Variants in HOXC12 observed in about 807,000 individuals in gnomAD.
HOXC12 encodes the protein homeobox protein Hox-C12.
HOXC12 carries 24 observed loss-of-function variants against 20.9 expected under a neutral mutation model. The observed-to-expected ratio is 1.15, with a 90% confidence interval of 0.83 to 1.61. The LOEUF (loss-of-function observed/expected upper bound fraction) is 1.61, where lower values mean the gene tolerates loss of function less well. HOXC12 is among the 40% of genes most tolerant of loss of function. The pLI is 0.00. For missense variants in HOXC12, 436 were observed against 406.9 expected, an observed-to-expected ratio of 1.07 and a Z score of -0.62; for synonymous variants, 202 against 197.7, an observed-to-expected ratio of 1.02 and a Z score of -0.18.
chr12:53,958,570 C>T lies in HOXC12; in HGVS notation c.*2004C>T, dbSNP rs1314382607. ...CACCCACTGTACCCCCTTTATGCAG[C>T]CCTTCCTGTGACCTCTGGGCTCTAG... On this transcript the variant is annotated 3_prime_UTR_variant, in exon 2 of 2. Coordinates refer to ENST00000243103, the MANE Select transcript of HOXC12 (RefSeq NM_173860.3). 2 of 152,302 alleles carry T rather than the reference C, an allele frequency of 1.3e-5. No individual in the cohort carries two copies. The highest frequency in any genetic ancestry group is 3.8e-4 in the East Asian group (2 of 5,210). 9.4% of individuals were successfully genotyped at this position (152,302 alleles called of 1,614,324 possible).
Position 53,956,902 on chromosome 12 carries a change from G to A in HOXC12, c.*336G>A, listed in dbSNP as rs542548946. 2 of 213,160 alleles carry A rather than the reference G, an allele frequency of 9.4e-6. No homozygotes were observed. Among genetic ancestry groups the A allele is most frequent in the East Asian group, 1.0e-4 (1 of 9,936 alleles). 13.2% of individuals were successfully genotyped at this position (213,160 alleles called of 1,614,324 possible). A position where few individuals can be genotyped will look rare whatever the true frequency, so the allele number is the denominator to read the frequency against. ...TCCGCTGAGGATCTGGAGAAGCAGC[G>A]GCCCAGATGTCCCCTTCCTCTACTT... On this transcript the variant is annotated 3_prime_UTR_variant, in exon 2 of 2. Coordinates refer to ENST00000243103, the MANE Select transcript of HOXC12 (RefSeq NM_173860.3).
rs1300111632 is a variant in HOXC12, at chr12:53,955,216, G to T, written c.287G>T (p.Arg96Leu). 1.9e-6 allele frequency: 3 copies of T among 1,602,106 alleles called. No homozygotes were observed. Among genetic ancestry groups the T allele is most frequent in the South Asian group, 2.2e-5 (2 of 90,084 alleles). Residue 96 changes from arginine to leucine, a missense_variant, in exon 1 of 2, where the codon CGC (arginine) becomes CTC (leucine). By Grantham distance (102) the Arg-to-Leu change is moderately radical. Transcript: ENST00000243103. ...GTGGAGGACGGCAAGGGTTACTACCGCGAGCCGTGCGCCGAGGGTGGCGGC... is the reference window on the plus strand; with the variant it reads ...GTGGAGGACGGCAAGGGTTACTACCTCGAGCCGTGCGCCGAGGGTGGCGGC... ...ARVEDGKGYY[R>L]EPCAEGGGGG...
Position 53,955,116 on chromosome 12 carries a change from G to GGCTACCCGCAGCCCTACCTCGGCA in HOXC12, c.190_213dup (p.Tyr64_Ser71dup). On this transcript the variant is annotated inframe_insertion, in exon 1 of 2. Coordinates refer to ENST00000243103, the MANE Select transcript of HOXC12 (RefSeq NM_173860.3). ...CTGGCCGTCGGCGGAGCCGTGCAATGGCTACCCGCAGCCCTACCTCGGCAG... is the reference window on the plus strand; with the variant it reads ...CTGGCCGTCGGCGGAGCCGTGCAATGGCTACCCGCAGCCCTACCTCGGCAGCTACCCGCAGCCCTACCTCGGCAG... The GGCTACCCGCAGCCCTACCTCGGCA allele has an allele frequency of 6.2e-7, 1 of 1,611,422 alleles. No homozygotes were observed. Among genetic ancestry groups the GGCTACCCGCAGCCCTACCTCGGCA allele is most frequent in the Non-Finnish European group, 8.5e-7 (1 of 1,179,090 alleles).
chr12:53,958,449 C>T lies in HOXC12; in HGVS notation c.*1883C>T, dbSNP rs535989010. ...TCCCCATCCACACATACTTGCTTCA[C>T]CCATGTACAAGTTCCCCCAAATTAC... On this transcript the variant is annotated 3_prime_UTR_variant, in exon 2 of 2. Coordinates refer to ENST00000243103, the MANE Select transcript of HOXC12 (RefSeq NM_173860.3). 5.9e-5 allele frequency: 9 copies of T among 152,444 alleles called. No homozygotes were observed. The highest frequency in any genetic ancestry group is 1.2e-4 in the Non-Finnish European group (8 of 68,086). 9.4% of individuals were successfully genotyped at this position (152,444 alleles called of 1,614,324 possible).
chr12:53,955,197 G>C lies in HOXC12; in HGVS notation c.268G>C (p.Asp90His), dbSNP rs775785231. The C allele has an allele frequency of 6.2e-7, 1 of 1,610,228 alleles. No individual in the cohort carries two copies. The highest frequency in any genetic ancestry group is 1.7e-5 in the Admixed American group (1 of 59,850). Residue 90 changes from aspartate to histidine, a missense_variant, in exon 1 of 2, where the codon GAC becomes CAC. Transcript: ENST00000243103. ...CACGTGCGAGCTGGCGCGCGTGGAG[G>C]ACGGCAAGGGTTACTACCGCGAGCC... ...GRTCELARVE[D>H]GKGYYREPCA...
Position 53,956,717 on chromosome 12 carries a change from C to T in HOXC12, c.*151C>T, listed in dbSNP as rs1243549239. 18 of 614,018 alleles carry T rather than the reference C, an allele frequency of 2.9e-5. No homozygotes were observed. The highest frequency in any genetic ancestry group is 1.7e-4 in the African/African-American group (9 of 53,558). The allele number at this position is 614,018 out of a possible 1,614,324, so 38.0% of individuals were successfully genotyped here. ...CCTCTTGTCTGTTTTGTTCGTGGTT[C>T]CCTCCCATACACACCCAAAACACCC... On this transcript the variant is annotated 3_prime_UTR_variant, in exon 2 of 2. Transcript: ENST00000243103.
At position 53,956,938 on chromosome 12, in the gene HOXC12, G is replaced by C. The variant is rs1938877876; in HGVS notation, c.*372G>C. 1 of 171,868 alleles carries C rather than the reference G, an allele frequency of 5.8e-6. No individual in the cohort carries two copies. Among genetic ancestry groups the C allele is most frequent in the African/African-American group, 2.4e-5 (1 of 42,120 alleles). 10.6% of individuals were successfully genotyped at this position (171,868 alleles called of 1,614,324 possible). ...CCCCTTCCTCTACTTCCCTTCCATG[G>C]TCTTAATTCTCTTTGCCGTCAGGAG... On this transcript the variant is annotated 3_prime_UTR_variant, in exon 2 of 2. Coordinates refer to ENST00000243103, the MANE Select transcript of HOXC12 (RefSeq NM_173860.3).
chr12:53,958,926 A>T lies in HOXC12; in HGVS notation c.*2360A>T, dbSNP rs1470008750. ...TGTACAGAGTTGCTTCATCATATTA[A>T]TATTGATAATAATAATAATTAAAAC... is the stretch of plus-strand genomic sequence containing the variant. On this transcript the variant is annotated 3_prime_UTR_variant, in exon 2 of 2. Transcript: ENST00000243103. 2.6e-5 allele frequency: 4 copies of T among 151,980 alleles called. No homozygotes were observed. Among genetic ancestry groups the T allele is most frequent in the African/African-American group, 9.7e-5 (4 of 41,356 alleles). 9.4% of individuals were successfully genotyped at this position (151,980 alleles called of 1,614,324 possible).
Position 53,955,326 on chromosome 12 carries a change from C to T in HOXC12, c.397C>T (p.Pro133Ser). Residue 133 changes from proline to serine, a missense_variant, in exon 1 of 2, where the codon CCT becomes TCT. By Grantham distance (74) the Pro-to-Ser change is moderately conservative. Transcript: ENST00000243103. ...ALLPLEPSGP[P>S]ALGFKYDYAA... Reference sequence around the variant, plus strand: ...GCTCCCGCTGGAGCCGTCGGGGCCGCCTGCGCTCGGCTTCAAGTACGACTA... The same window carrying T: ...GCTCCCGCTGGAGCCGTCGGGGCCGTCTGCGCTCGGCTTCAAGTACGACTA... 1 of 1,387,192 alleles carries T rather than the reference C, an allele frequency of 7.2e-7. No homozygotes were observed. Among genetic ancestry groups the T allele is most frequent in the Non-Finnish European group, 9.3e-7 (1 of 1,079,336 alleles). The allele number at this position is 1,387,192 out of a possible 1,614,324, so 85.9% of individuals were successfully genotyped here.
rs1458208925 is a variant in HOXC12, at chr12:53,957,566, C to CGCTGG, written c.*1001_*1005dup. 6.7e-6 allele frequency: 1 copy of CGCTGG among 148,454 alleles called. No individual in the cohort carries two copies. The highest frequency in any genetic ancestry group is 1.5e-5 in the Non-Finnish European group (1 of 67,144). 9.2% of individuals were successfully genotyped at this position (148,454 alleles called of 1,614,324 possible). The stretch of plus-strand genomic sequence containing the variant: ...CCGAGGCCTCTGATTCTCCCTTCCC[C>CGCTGG]GCTGGCGTTCACGGTCACTGCCTCA... On this transcript the variant is annotated 3_prime_UTR_variant, in exon 2 of 2. Transcript: ENST00000243103.
At position 53,955,251 on chromosome 12, in the gene HOXC12, A is replaced by G; in HGVS notation, c.322A>G (p.Lys108Glu). Residue 108 changes from lysine to glutamate, a missense_variant, in exon 1 of 2, where the codon AAG becomes GAG. Lys to Glu is a moderately conservative substitution (Grantham distance 56). Coordinates refer to ENST00000243103, the MANE Select transcript of HOXC12 (RefSeq NM_173860.3). ...CGCCGAGGGTGGCGGCGGGGGCCTG[A>G]AGCGTGAGGAGCGCGGGCGCGACCC... ...PCAEGGGGGL[K>E]REERGRDPGA... 6.4e-7 allele frequency: 1 copy of G among 1,551,772 alleles called. No homozygotes were observed. The highest frequency in any genetic ancestry group is 1.2e-5 in the South Asian group (1 of 83,070).
rs756601764 is a variant in HOXC12, at chr12:53,956,698, G to A, written c.*132G>A. 4.5e-4 allele frequency: 312 copies of A among 693,198 alleles called. No individual in the cohort carries two copies. The highest frequency in any genetic ancestry group is 7.2e-4 in the Non-Finnish European group (290 of 401,190). The allele number at this position is 693,198 out of a possible 1,614,324, so 42.9% of individuals were successfully genotyped here. ...GCAGGCCCTCCCTGGATATCCTCTTGTCTGTTTTGTTCGTGGTTCCCTCCC... is the reference window on the plus strand; with the variant it reads ...GCAGGCCCTCCCTGGATATCCTCTTATCTGTTTTGTTCGTGGTTCCCTCCC... On this transcript the variant is annotated 3_prime_UTR_variant, in exon 2 of 2. Transcript: ENST00000243103.
In HOXC12 at chr12:53,955,124, G is replaced by A. The variant is rs749236123; in HGVS notation, c.195G>A (p.Pro65=). ...CGGCGGAGCCGTGCAATGGCTACCC[G>A]CAGCCCTACCTCGGCAGCCCAGTGT... is the stretch of plus-strand genomic sequence containing the variant. ...WPSAEPCNGY[P]QPYLGSPVSL... Residue 65 remains proline, a synonymous_variant, in exon 1 of 2, where the codon CCG becomes CCA. Coordinates refer to ENST00000243103, the MANE Select transcript of HOXC12 (RefSeq NM_173860.3). 40 of 1,610,498 alleles carry A rather than the reference G, an allele frequency of 2.5e-5. No individual in the cohort carries two copies. The highest frequency in any genetic ancestry group is 3.4e-5 in the Non-Finnish European group (40 of 1,178,794).
In HOXC12 at chr12:53,957,952, A is replaced by G. The variant is rs1490887045; in HGVS notation, c.*1386A>G. On this transcript the variant is annotated 3_prime_UTR_variant, in exon 2 of 2. Coordinates refer to ENST00000243103, the MANE Select transcript of HOXC12 (RefSeq NM_173860.3). ...CTCCTTCAGACCCCAGCCCCAGCCC[A>G]GTAGACGCTGGGCTGGCTTGGAAGA... The G allele has an allele frequency of 6.6e-6, 1 of 152,382 alleles. No homozygotes were observed. Among genetic ancestry groups the G allele is most frequent in the East Asian group, 1.9e-4 (1 of 5,198 alleles). The allele number at this position is 152,382 out of a possible 1,614,324, so 9.4% of individuals were successfully genotyped here.
intron 1 of HOXC12, among the ~76,000 whole-genome samples, chr12:53,955,762 G>T (rs1234535003): frequency 1.3e-5 from 2 of 152,182 alleles, no homozygotes; most frequent in Non-Finnish European, 2.9e-5. Context: ...GAGGCGGCAG[G>T]GATTCCGGAG....
Position 53,957,160 on chromosome 12 carries a change from T to G in HOXC12, c.*594T>G, listed in dbSNP as rs1263450352. 2.0e-5 allele frequency: 3 copies of G among 152,534 alleles called. No individual in the cohort carries two copies. Among genetic ancestry groups the G allele is most frequent in the African/African-American group, 7.2e-5 (3 of 41,466 alleles). 9.4% of individuals were successfully genotyped at this position (152,534 alleles called of 1,614,324 possible). ...AAAATGATTAGCAAGAACCAGAGTC[T>G]GCTTGGGTCTGGGTCCCCCAGGACA... On this transcript the variant is annotated 3_prime_UTR_variant, in exon 2 of 2. Coordinates refer to ENST00000243103, the MANE Select transcript of HOXC12 (RefSeq NM_173860.3).
At chr12:53,955,963 C>T (rs1438778853) in intron 1 of HOXC12, among the ~76,000 whole-genome samples, 4 of 152,058 alleles carry the variant, frequency 2.6e-5, no homozygotes, top group Non-Finnish European at 5.9e-5. Context: ...ATCCGGGATC[C>T]AGTCCTGAAG....
chr12:53,954,968 G>T lies in HOXC12; in HGVS notation c.39G>T (p.Gly13=), dbSNP rs772345395. 4 of 1,613,836 alleles carry T rather than the reference G, an allele frequency of 2.5e-6. No individual in the cohort carries two copies. Among genetic ancestry groups the T allele is most frequent in the Non-Finnish European group, 2.5e-6 (3 of 1,179,678 alleles). The change falls in exon 1 of 2, where the codon GGG becomes GGT. Residue 13 remains glycine (G), a synonymous_variant. Transcript: ENST00000243103. ...ATCTCCTGAATCCCGGGTTTGTGGG[G>T]CCGCTGGTAAACATCCACACGGGAG... The part of the protein sequence containing the change: ...EHNLLNPGFV[G]PLVNIHTGDT...
Position 53,955,551 on chromosome 12 carries a change from G to T in HOXC12, c.610+12G>T. ...GCTCTCGGCCAGCGGTAAGGACCCC[G>T]GCCACTCAAGCGGCGGATTCAAACC... is the stretch of plus-strand genomic sequence containing the variant. On this transcript the variant is annotated intron_variant, in intron 1 of 1. Coordinates refer to ENST00000243103, the MANE Select transcript of HOXC12 (RefSeq NM_173860.3). 1 of 1,407,820 alleles carries T rather than the reference G, an allele frequency of 7.1e-7. No individual in the cohort carries two copies. The highest frequency in any genetic ancestry group is 1.5e-5 in the South Asian group (1 of 66,736). The allele number at this position is 1,407,820 out of a possible 1,614,324, so 87.2% of individuals were successfully genotyped here. A position where few individuals can be genotyped will look rare whatever the true frequency, so the allele number is the denominator to read the frequency against.
Sources: gnomAD v4.1 joint callset for allele counts (sites outside exome capture counted in the v4.1 genomes callset) on GRCh38, gnomAD v4.1.1 for gene constraint, MANE v1.5 for transcripts, NCBI Gene and HGNC (gene_info 2026-07-23, HGNC 2026-07-21) for gene names.